The following NRAP variants were observed in gnomAD, a reference collection of about 807,000 sequenced individuals.
The protein encoded by NRAP is nebulin related anchoring protein.
A neutral mutation model predicts 225.9 loss-of-function variants in NRAP; 189 were observed. The ratio of observed to expected loss-of-function variants is 0.84; its 90% confidence interval spans 0.74 to 0.94. The LOEUF (loss-of-function observed/expected upper bound fraction) is 0.94. NRAP is among the 40% of genes least tolerant of loss of function. NRAP has a pLI of 0.00. For synonymous variants in NRAP, 769 were observed against 790.7 expected (o/e 0.97, Z 0.46); for missense variants, 2,176 against 2,168.7 (o/e 1.00, Z -0.07).
intron 25 of NRAP, among the ~76,000 whole-genome samples, chr10:113,618,662 C>G (rs1847807043): frequency 6.6e-6 from 1 of 152,182 alleles, no homozygotes; most frequent in Non-Finnish European, 1.5e-5. Flanking sequence ...AGAAGGTGGC[C>G]CAGGCCGAGT....
At chr10:113,616,482 GT>G (rs1250464644) in intron 26 of NRAP, among the ~76,000 whole-genome samples, 1 of 152,192 alleles carries the variant, frequency 6.6e-6, no homozygotes, top group African/African-American at 2.4e-5. Flanking sequence ...AACAGGTATT[GT>G]TTTTCTTCAT....
chr10:113,621,782 C>T (rs1336761478), intron 24 of NRAP, 87 bp downstream of exon 24: 6 of 1,261,656 alleles, frequency 4.8e-6, no homozygotes, highest in Non-Finnish European at 6.7e-6. Flanking sequence ...TAAATTGTTG[C>T]ACTGAATGGC....
intron 14 of NRAP, among the ~76,000 whole-genome samples, chr10:113,639,280 A>G (rs1024048558): frequency 6.6e-6 from 1 of 152,152 alleles, no homozygotes; most frequent in Admixed American, 6.5e-5. Flanking sequence ...TTCAATAAAT[A>G]TCATTTGCCA....
chr10:113,636,660 T>C (rs887181624), intron 14 of NRAP, among the ~76,000 whole-genome samples: 5 of 152,190 alleles, frequency 3.3e-5, no homozygotes, highest in African/African-American at 1.2e-4. Context: ...ATCCATATTA[T>C]GATGCAAAAT....
chr10:113,598,046 TGCCGATCA>T lies in NRAP; in HGVS notation c.4247_4254del (p.Leu1416HisfsTer31), dbSNP rs2133856346. The T allele has an allele frequency of 6.2e-7, 1 of 1,613,768 alleles. No individual in the cohort carries two copies. Among genetic ancestry groups the T allele is most frequent in the East Asian group, 2.2e-5 (1 of 44,856 alleles). ...AGCGCCAGCCATCCTATGCCCTTCA[TGCCGATCA>T]GGTCTGACTTGTAGCGCAACTGCAG... On this transcript the variant is annotated frameshift_variant, in exon 36 of 42. Transcript: ENST00000359988. LOFTEE classifies it high-confidence loss of function.
chr10:113,603,956 A>T (rs1846766765), intron 35 of NRAP, among the ~76,000 whole-genome samples: 1 of 152,200 alleles, frequency 6.6e-6, no homozygotes, highest in South Asian at 2.1e-4. Flanking sequence ...TCTCCATAGC[A>T]TGTACAACCA....
At chr10:113,646,136 C>G (rs1019021031) in intron 10 of NRAP, among the ~76,000 whole-genome samples, 195 bp from the exon 11 acceptor site, 4 of 152,020 alleles carry the variant, frequency 2.6e-5, no homozygotes, top group African/African-American at 4.8e-5. Flanking sequence ...TAAAATTTTC[C>G]TGGCCCTTTT....
In NRAP at chr10:113,615,766, A is replaced by G; in HGVS notation, c.3024T>C (p.Thr1008=). The change falls in exon 27 of 42, where the codon ACT becomes ACC. Residue 1008 remains threonine, a synonymous_variant. Coordinates refer to ENST00000359988, the MANE Select transcript of NRAP (RefSeq NM_198060.4). ...CCAGCAGGACTTCAGGGAGGTCAGCAGTCGGTGTGTAATGATGCTTTATGT... is the reference window on the plus strand; with the variant it reads ...CCAGCAGGACTTCAGGGAGGTCAGCGGTCGGTGTGTAATGATGCTTTATGT... ...GENIKHHYTP[T]ADLPEVLLAK... 1 of 1,612,454 alleles carries G rather than the reference A, an allele frequency of 6.2e-7. No individual in the cohort carries two copies. The highest frequency in any genetic ancestry group is 8.5e-7 in the Non-Finnish European group (1 of 1,178,502).
Position 113,612,114 on chromosome 10 carries a change from G to T in NRAP, c.3498+120C>A, listed in dbSNP as rs1539588. On this transcript the variant is annotated intron_variant, in intron 30 of 41. Transcript: ENST00000359988. ...ACTCTCAGACTGGGTTTCAAAATAA[G>T]ACTTGGGTTTAGGATTTCTCACTTC... 0.24 allele frequency: 175,858 copies of T among 732,828 alleles called. 22,899 individuals carry two copies. Among genetic ancestry groups the T allele is most frequent in the East Asian group, 0.33 (12,978 of 38,920 alleles). The allele number at this position is 732,828 out of a possible 1,614,324, so 45.4% of individuals were successfully genotyped here.
chr10:113,597,965 G>C lies in NRAP; in HGVS notation c.4332+4C>G, dbSNP rs760339287. 1.2e-5 allele frequency: 19 copies of C among 1,596,204 alleles called. No homozygotes were observed. The East Asian group carries it at 4.2e-4, about 36-fold the overall frequency. The stretch of plus-strand genomic sequence containing the variant: ...CACTTGTGGTGGGGACAGGTTGATG[G>C]TACCTCGCTGATGAGTTCTCCAGCC... On this transcript the variant is annotated splice_donor_region_variant and intron_variant, in intron 36 of 41. Coordinates refer to ENST00000359988, the MANE Select transcript of NRAP (RefSeq NM_198060.4).
rs759623695 is a variant in NRAP at position 113,589,050 on chromosome 10, A to C, written c.5118T>G (p.Asp1706Glu). ...YRGAEAVEAGDHQSGEVNPDA... is the reference protein window; with the variant it reads ...YRGAEAVEAGEHQSGEVNPDA... The stretch of plus-strand genomic sequence containing the variant: ...CTGGGTTCACCTCCCCACTCTGATG[A>C]TCTCCAGCCTCCACTGCTTCTGCCC... Residue 1706 changes from aspartate (D) to glutamate (E), a missense_variant, in exon 42 of 42, where the codon GAT becomes GAG. Asp to Glu is a conservative substitution (Grantham distance 45). Around this residue, in one of 3 missense-constraint regions of NRAP, gnomAD observed 445 missense variants for 426.1 expected, o/e 1.04. Transcript: ENST00000359988. The C allele has an allele frequency of 8.1e-6, 13 of 1,613,772 alleles. No individual in the cohort carries two copies. The highest frequency in any genetic ancestry group is 4.0e-5 in the African/African-American group (3 of 74,818).
chr10:113,644,432 A>G (rs1224378060), intron 11 of NRAP, among the ~76,000 whole-genome samples: 2 of 152,230 alleles, frequency 1.3e-5, no homozygotes, highest in African/African-American at 2.4e-5. Flanking sequence ...TTCTTTGTCA[A>G]TTATTATACT....
chr10:113,613,900 A>G (rs1047378604), intron 29 of NRAP, among the ~76,000 whole-genome samples: 7 of 152,168 alleles, frequency 4.6e-5, no homozygotes. Flanking sequence ...TGGAGGCCAA[A>G]TCCAGCCCAG....
In NRAP at chr10:113,646,609, C is replaced by G. The variant is rs150199940; in HGVS notation, c.993+314G>C. ...TAATCATATGACTTATTTTAATCAG[C>G]TCTTCCCCTAAATTACTCAATTTCT... On this transcript the variant is annotated intron_variant, in intron 10 of 41. Coordinates refer to ENST00000359988, the MANE Select transcript of NRAP (RefSeq NM_198060.4). Among the ~76,000 whole-genome samples the G allele has an allele frequency of 6.9e-3, 1,058 of 152,356 alleles. 23 individuals are homozygous for G. The highest frequency in any genetic ancestry group is 0.024 in the African/African-American group (1,011 of 41,582).
chr10:113,658,603 G>A (rs867295423), intron 3 of NRAP, among the ~76,000 whole-genome samples: 11 of 152,168 alleles, frequency 7.2e-5, no homozygotes, highest in Middle Eastern at 3.4e-3. Context: ...AATTTTGGCC[G>A]GGCGCAGTAC....
Position 113,604,836 on chromosome 10 carries a change from A to C in NRAP, c.4000T>G (p.Cys1334Gly), listed in dbSNP as rs953576509. The change falls in exon 35 of 42, where the codon TGC becomes GGC. Residue 1334 changes from cysteine (C) to glycine (G), a missense_variant. Coordinates refer to ENST00000359988, the MANE Select transcript of NRAP (RefSeq NM_198060.4). ...SVRDDPRIQHCRRMGQLQSEL... is the reference protein window; with the variant it reads ...SVRDDPRIQHGRRMGQLQSEL... ...CTCTGCAGCTGGCCCATGCGCCGGC[A>C]GTGCTGGATCCGGGGGTCGTCTCTT... is the stretch of plus-strand genomic sequence containing the variant. 6.2e-7 allele frequency: 1 copy of C among 1,614,146 alleles called. No homozygotes were observed. Among genetic ancestry groups the C allele is most frequent in the Non-Finnish European group, 8.5e-7 (1 of 1,180,016 alleles).
chr10:113,657,769 G>T (rs1449528717), intron 3 of NRAP, among the ~76,000 whole-genome samples, 195 bp from the exon 4 acceptor site: 2 of 152,202 alleles, frequency 1.3e-5, no homozygotes, highest in African/African-American at 4.8e-5. Flanking sequence ...CACATATAGA[G>T]CACCTGCTGT....
intron 4 of NRAP, among the ~76,000 whole-genome samples, chr10:113,654,419 G>T (rs1221340715): frequency 6.7e-6 from 1 of 149,294 alleles, no homozygotes; most frequent in African/African-American, 2.5e-5. Context: ...CTGTGGACAG[G>T]TAATCTGAGA....
At position 113,624,792 on chromosome 10, in the gene NRAP, C is replaced by A. The variant is rs780785045; in HGVS notation, c.2349+34G>T. 2.7e-5 allele frequency: 41 copies of A among 1,496,256 alleles called. No individual in the cohort carries two copies. In the Middle Eastern group the frequency reaches 8.5e-4, roughly 31 times the overall value. The allele number at this position is 1,496,256 out of a possible 1,614,324, so 92.7% of individuals were successfully genotyped here. A position where few individuals can be genotyped will look rare whatever the true frequency, so the allele number is the denominator to read the frequency against. Reference sequence around the variant, plus strand: ...CCAGGTGGCTATACACAAAGGGGAGCAGAGTTCTTGCTGCCCACTCATTCT... The same window carrying A: ...CCAGGTGGCTATACACAAAGGGGAGAAGAGTTCTTGCTGCCCACTCATTCT... On this transcript the variant is annotated intron_variant, in intron 22 of 41. Transcript: ENST00000359988.
Sources: gnomAD v4.1 joint callset for allele counts (sites outside exome capture counted in the v4.1 genomes callset) on GRCh38, gnomAD v4.1.1 for gene constraint, gnomAD v4.1.1 regional missense constraint, MANE v1.5 for transcripts, NCBI Gene and HGNC (gene_info 2026-07-23, HGNC 2026-07-21) for gene names.